Variants in IQGAP2 observed in about 807,000 individuals in gnomAD.
IQGAP2 encodes the protein ras GTPase-activating-like protein IQGAP2.
A neutral mutation model predicts 201.3 loss-of-function variants in IQGAP2; 173 were observed. That is an observed-to-expected ratio of 0.86 (90% confidence interval 0.76 to 0.98). The LOEUF is 0.98. Ranked by LOEUF, IQGAP2 falls within the 50% of genes least tolerant of loss-of-function variation. The pLI, the probability that IQGAP2 is intolerant of heterozygous loss-of-function variation, is 0.00. For missense variants in IQGAP2, 1,687 were observed against 1,864.8 expected, an observed-to-expected ratio of 0.90 and a Z score of 1.76; for synonymous variants, 675 against 673.9, an observed-to-expected ratio of 1.00 and a Z score of -0.03.
chr5:76,496,686 TTTTC>T (rs1336634366), intron 2 of IQGAP2, among the ~76,000 whole-genome samples: 5 of 150,544 alleles, frequency 3.3e-5, no homozygotes, highest in African/African-American at 1.2e-4. Context: ...TACCAAATAT[TTTTC>T]TTTCTTTCTG....
intron 23 of IQGAP2, among the ~76,000 whole-genome samples, chr5:76,671,058 T>C (rs935821438): frequency 5.3e-5 from 8 of 152,078 alleles, no homozygotes; most frequent in African/African-American, 1.9e-4. Context: ...AGGTCAGAAG[T>C]TGGGACCAGC....
chr5:76,439,052 T>C (rs925320783), intron 1 of IQGAP2, among the ~76,000 whole-genome samples: 1 of 64,810 alleles, frequency 1.5e-5, no homozygotes, highest in African/African-American at 2.8e-5. Flanking sequence ...TGATAACTTG[T>C]GTCATTATTA....
chr5:76,553,123 T>C (rs958929340), intron 2 of IQGAP2, among the ~76,000 whole-genome samples: 1 of 152,178 alleles, frequency 6.6e-6, no homozygotes, highest in Non-Finnish European at 1.5e-5. Context: ...AATGGAATCA[T>C]GGTGGCAGTT....
intron 14 of IQGAP2, among the ~76,000 whole-genome samples, chr5:76,629,034 G>A (rs917406122): frequency 6.6e-6 from 1 of 152,052 alleles, no homozygotes. Context: ...TCTTACATTC[G>A]GCCTGCAAAT....
chr5:76,510,220 G>A (rs1307610302), intron 2 of IQGAP2, among the ~76,000 whole-genome samples: 1 of 151,980 alleles, frequency 6.6e-6, no homozygotes, highest in Non-Finnish European at 1.5e-5. Context: ...GGCTGGTCTC[G>A]AACTCCTGAC....
At chr5:76,599,163 C>T (rs1257758210) in intron 10 of IQGAP2, among the ~76,000 whole-genome samples, 1 of 152,126 alleles carries the variant, frequency 6.6e-6, no homozygotes. Context: ...AGGAGGATCA[C>T]TTGAGGCCAG....
chr5:76,496,777 C>G (rs1294918638), intron 2 of IQGAP2, among the ~76,000 whole-genome samples: 2 of 66,056 alleles, frequency 3.0e-5, no homozygotes, highest in African/African-American at 1.9e-4. Context: ...TTCTTTCTTT[C>G]TTTCTTTCTT....
Position 76,506,143 on chromosome 5 carries a change from G to A in IQGAP2, c.146+44474G>A, listed in dbSNP as rs562083845. ...CCATAGTTTTCTGTGATCCACAAAAGCACTACAGATTTTCAAACCCCTGGA... is the reference window on the plus strand; with the variant it reads ...CCATAGTTTTCTGTGATCCACAAAAACACTACAGATTTTCAAACCCCTGGA... On this transcript the variant is annotated intron_variant, in intron 2 of 35. Coordinates refer to ENST00000274364, the MANE Select transcript of IQGAP2 (RefSeq NM_006633.5). 2.0e-5 allele frequency among the ~76,000 whole-genome samples: 3 copies of A among 152,304 alleles called. No individual in the cohort carries two copies. In the South Asian group the frequency reaches 6.2e-4, roughly 32 times the overall value.
At chr5:76,412,838 G>A (rs1198333479) in intron 1 of IQGAP2, among the ~76,000 whole-genome samples, 2 of 152,194 alleles carry the variant, frequency 1.3e-5, no homozygotes, top group East Asian at 1.9e-4. Context: ...TGTGGAACCT[G>A]GCAAGTTGTT....
intron 34 of IQGAP2, 143 bp from the exon 35 acceptor site, chr5:76,702,339 C>A: frequency 1.7e-6 from 1 of 572,488 alleles, no homozygotes; most frequent in South Asian, 2.2e-5. Context: ...GGAAAGATGA[C>A]GTGAGGTTTT....
In IQGAP2 at chr5:76,683,497, TAAAG is replaced by T. The variant is rs140211732; in HGVS notation, c.3764-276_3764-273del. On this transcript the variant is annotated intron_variant, in intron 29 of 35. Transcript: ENST00000274364. Reference sequence around the variant, plus strand: ...GTATTATACAGAAAGAAGCCATCAATAAAGAACCAAATTTATTACAAAATGAAAA... The same window carrying T: ...GTATTATACAGAAAGAAGCCATCAATAACCAAATTTATTACAAAATGAAAA... Among the ~76,000 whole-genome samples the T allele has an allele frequency of 6.4e-3, 969 of 152,300 alleles. 11 individuals carry two copies. The highest frequency in any genetic ancestry group is 0.021 in the African/African-American group (885 of 41,580).
chr5:76,454,180 C>T (rs1205502735), intron 1 of IQGAP2, among the ~76,000 whole-genome samples: 1 of 152,100 alleles, frequency 6.6e-6, no homozygotes, highest in African/African-American at 2.4e-5. Context: ...TCTAGATACA[C>T]CCCACCCACA....
intron 1 of IQGAP2, among the ~76,000 whole-genome samples, chr5:76,442,651 T>G (rs1753113490): frequency 6.6e-6 from 1 of 152,174 alleles, no homozygotes; most frequent in Non-Finnish European, 1.5e-5. Context: ...GAGTGCCTAT[T>G]CAGCTGTAAC....
At chr5:76,516,157 G>A (rs1370797064) in intron 2 of IQGAP2, among the ~76,000 whole-genome samples, 1 of 152,102 alleles carries the variant, frequency 6.6e-6, no homozygotes, top group Non-Finnish European at 1.5e-5. Flanking sequence ...TTACAGGCAT[G>A]AGCTACTACA....
At chr5:76,695,317 G>C in intron 31 of IQGAP2, 137 bp from the exon 32 acceptor site, 1 of 674,858 alleles carries the variant, frequency 1.5e-6, no homozygotes. Flanking sequence ...AACTCAGGAA[G>C]AACATGTTCT....
intron 13 of IQGAP2, chr5:76,617,088 A>G (rs1284279394): frequency 6.5e-6 from 1 of 153,974 alleles, no homozygotes. Context: ...GTCATTTTCC[A>G]TAGAGTTGTG....
At chr5:76,510,286 T>C (rs1757885297) in intron 2 of IQGAP2, among the ~76,000 whole-genome samples, 1 of 152,224 alleles carries the variant, frequency 6.6e-6, no homozygotes, top group South Asian at 2.1e-4. Flanking sequence ...AGGCATGAGC[T>C]ACTGTGCCTG....
chr5:76,631,904 A>C lies in IQGAP2; in HGVS notation c.1658A>C (p.Lys553Thr). ...GTTAATCAGTGTTTGGAAGGAAAAA[A>C]ATCAAGTGATATTTTGTCTGTATTG... is the stretch of plus-strand genomic sequence containing the variant. The part of the protein sequence containing the change: ...VDVNQCLEGK[K>T]SSDILSVLKS... Residue 553 changes from lysine (K) to threonine (T), a missense_variant, in exon 15 of 36, where the codon AAA (lysine) becomes ACA (threonine). Lys to Thr is a moderately conservative substitution (Grantham distance 78). Transcript: ENST00000274364. 1 of 1,610,574 alleles carries C rather than the reference A, an allele frequency of 6.2e-7. No homozygotes were observed. The highest frequency in any genetic ancestry group is 8.5e-7 in the Non-Finnish European group (1 of 1,178,058).
chr5:76,523,877 C>T (rs1414822910), intron 2 of IQGAP2, among the ~76,000 whole-genome samples: 37 of 152,058 alleles, frequency 2.4e-4, no homozygotes, highest in Admixed American at 2.3e-3. Context: ...GGTGATTATC[C>T]GTACTCTCCA....
Sources: gnomAD v4.1 joint callset for allele counts (sites outside exome capture counted in the v4.1 genomes callset) on GRCh38, gnomAD v4.1.1 for gene constraint, MANE v1.5 for transcripts, NCBI Gene and HGNC (gene_info 2026-07-23, HGNC 2026-07-21) for gene names.